The following KCNK13 variants were observed in gnomAD, a reference collection of about 807,000 sequenced individuals.
KCNK13 encodes potassium channel subfamily K member 13.
A neutral mutation model predicts 23.4 loss-of-function variants in KCNK13; 12 were observed. The observed-to-expected ratio is 0.51, with a 90% CI of 0.33 to 0.83. The LOEUF is 0.83. KCNK13 is among the 40% of genes least tolerant of loss of function. KCNK13 has a pLI of 0.02. For missense variants in KCNK13, 463 were observed against 556.3 expected, an observed-to-expected ratio of 0.83 and a Z score of 1.69; for synonymous variants, 231 against 229.5, an observed-to-expected ratio of 1.01 and a Z score of -0.06.
intron 1 of KCNK13, among the ~76,000 whole-genome samples, chr14:90,071,963 A>G (rs1439812873): frequency 6.6e-6 from 1 of 152,014 alleles, no homozygotes; most frequent in Admixed American, 6.6e-5. Context: ...AAAGTCATTA[A>G]TGACTTTACA....
In KCNK13 at chr14:90,085,766, TAA is replaced by T. The variant is rs1491564484; in HGVS notation, c.334+23229_334+23230del. Among the ~76,000 whole-genome samples the T allele has an allele frequency of 4.1e-5, 5 of 120,708 alleles. 1 individual carries two copies. The highest frequency in any genetic ancestry group is 2.5e-4 in the South Asian group (1 of 4,004). The allele number at this position is 120,708 out of a possible 152,430, so 79.2% of individuals were successfully genotyped here. A position where few individuals can be genotyped will look rare whatever the true frequency, so the allele number is the denominator to read the frequency against. On this transcript the variant is annotated intron_variant, in intron 1 of 1. Transcript: ENST00000282146. ...ATATAATTATATATTATATATTATA[TAA>T]ATTATATATATTATATATTATATAC... is the stretch of plus-strand genomic sequence containing the variant.
chr14:90,073,766 G>C (rs533221925), intron 1 of KCNK13, among the ~76,000 whole-genome samples: 3 of 152,240 alleles, frequency 2.0e-5, no homozygotes, highest in Non-Finnish European at 4.4e-5. Flanking sequence ...TGTCTCCCGG[G>C]TTCAAGCAAT....
chr14:90,074,705 TACTGAATTTTGGACCTGGAGGAAAC>T (rs1212293194), intron 1 of KCNK13, among the ~76,000 whole-genome samples: 1 of 152,220 alleles, frequency 6.6e-6, no homozygotes, highest in Non-Finnish European at 1.5e-5. Context: ...TCTCTTATGT[TACTGAATTTTGGACCTGGAGGAAAC>T]ATTATCCACA....
intron 1 of KCNK13, among the ~76,000 whole-genome samples, chr14:90,134,949 G>T (rs1245755438): frequency 6.6e-6 from 1 of 152,216 alleles, no homozygotes; most frequent in Non-Finnish European, 1.5e-5. Flanking sequence ...GAATTGTGGA[G>T]CTCACAGTAG....
At chr14:90,127,715 A>T (rs1437349838) in intron 1 of KCNK13, among the ~76,000 whole-genome samples, 1 of 149,592 alleles carries the variant, frequency 6.7e-6, no homozygotes. Flanking sequence ...ACTACTCATA[A>T]GGCTGAGGCG....
intron 1 of KCNK13, among the ~76,000 whole-genome samples, chr14:90,100,992 C>T (rs1208754263): frequency 2.0e-5 from 3 of 152,126 alleles, no homozygotes; most frequent in Non-Finnish European, 2.9e-5. Context: ...CCGTGCCTGG[C>T]CAGCACGAGA....
At chr14:90,159,948 T>G (rs1342558146) in intron 1 of KCNK13, among the ~76,000 whole-genome samples, 1 of 16,152 alleles carries the variant, frequency 6.2e-5, no homozygotes. Flanking sequence ...TGTGTAGGGG[T>G]GTGTGTGTGT....
intron 1 of KCNK13, among the ~76,000 whole-genome samples, chr14:90,090,414 C>CA (rs1217216675): frequency 1.3e-5 from 2 of 152,198 alleles, no homozygotes; most frequent in Non-Finnish European, 1.5e-5. Flanking sequence ...TGGGTATACC[C>CA]AATGCCTGAA....
At chr14:90,140,687 C>T (rs757390228) in intron 1 of KCNK13, among the ~76,000 whole-genome samples, 9 of 152,082 alleles carry the variant, frequency 5.9e-5, no homozygotes, top group Non-Finnish European at 1.0e-4. Flanking sequence ...AGTCATGCCC[C>T]GTAGAGTTTG....
At chr14:90,095,431 G>A (rs1889399457) in intron 1 of KCNK13, among the ~76,000 whole-genome samples, 1 of 152,166 alleles carries the variant, frequency 6.6e-6, no homozygotes, top group African/African-American at 2.4e-5. Flanking sequence ...AAGCGATTCT[G>A]ATTTTTGCTC....
At position 90,104,538 on chromosome 14, in the gene KCNK13, T is replaced by C. The variant is rs541146631; in HGVS notation, c.334+41999T>C. Among the ~76,000 whole-genome samples the C allele has an allele frequency of 9.2e-5, 14 of 152,308 alleles. No homozygotes were observed. The South Asian group carries it at 2.9e-3, about 32-fold the overall frequency. ...TTGGGGACTCTTGGGATTTGCTTGA[T>C]AATAGTATCTTTTTTATGTCTTTGA... On this transcript the variant is annotated intron_variant, in intron 1 of 1. Transcript: ENST00000282146.
intron 1 of KCNK13, among the ~76,000 whole-genome samples, chr14:90,142,313 C>CTTTTTTTTTTTTT (rs59863610): frequency 1.2e-5 from 1 of 85,252 alleles, no homozygotes; most frequent in Non-Finnish European, 2.0e-5. Flanking sequence ...CTGTCCAATT[C>CTTTTTTTTTTTTT]TTTTTTTTTT....
chr14:90,063,005 A>G (rs1888963817), intron 1 of KCNK13, among the ~76,000 whole-genome samples: 1 of 152,304 alleles, frequency 6.6e-6, no homozygotes, highest in African/African-American at 2.4e-5. Flanking sequence ...TCGACTTCAC[A>G]CTTACCGAGA....
At chr14:90,149,192 C>T (rs1466873240) in intron 1 of KCNK13, among the ~76,000 whole-genome samples, 4 of 152,046 alleles carry the variant, frequency 2.6e-5, no homozygotes, top group Non-Finnish European at 5.9e-5. Context: ...CCCATCTCTA[C>T]TCAAAATACA....
At chr14:90,141,445 G>A (rs1247543658) in intron 1 of KCNK13, among the ~76,000 whole-genome samples, 1 of 152,024 alleles carries the variant, frequency 6.6e-6, no homozygotes, top group East Asian at 1.9e-4. Context: ...TGCCCTCTTG[G>A]GTTTTTTTGT....
intron 1 of KCNK13, chr14:90,107,559 C>T (rs868440666): frequency 4.3e-5 from 19 of 445,674 alleles, no homozygotes; most frequent in Middle Eastern, 6.3e-4. Context: ...GTAAACATTA[C>T]GATTGTGCAA....
At position 90,185,096 on chromosome 14, in the gene KCNK13, C is replaced by T; in HGVS notation, c.*93C>T. The stretch of plus-strand genomic sequence containing the variant: ...CTCAGCCCTGCGCCTTGGCTCTGTT[C>T]CTTCTGGGAGCTGTTCCCGGGAGCC... On this transcript the variant is annotated 3_prime_UTR_variant, in exon 2 of 2. Transcript: ENST00000282146. 8.5e-7 allele frequency: 1 copy of T among 1,182,552 alleles called. No individual in the cohort carries two copies. 73.3% of individuals were successfully genotyped at this position (1,182,552 alleles called of 1,614,324 possible).
chr14:90,137,841 T>G (rs1791256114), intron 1 of KCNK13, among the ~76,000 whole-genome samples: 1 of 152,208 alleles, frequency 6.6e-6, no homozygotes, highest in African/African-American at 2.4e-5. Flanking sequence ...CACACGATTG[T>G]GTGTTTAAAA....
At chr14:90,170,740 A>C (rs1224147601) in intron 1 of KCNK13, among the ~76,000 whole-genome samples, 2 of 152,140 alleles carry the variant, frequency 1.3e-5, no homozygotes, top group East Asian at 3.9e-4. Flanking sequence ...GACGTAAACA[A>C]ATGGGGCAGA....
Sources: gnomAD v4.1 joint callset for allele counts (sites outside exome capture counted in the v4.1 genomes callset) on GRCh38, gnomAD v4.1.1 for gene constraint, MANE v1.5 for transcripts, NCBI Gene and HGNC (gene_info 2026-07-23, HGNC 2026-07-21) for gene names.